The following CASQ2 variants were observed in gnomAD, a reference collection of about 807,000 sequenced individuals.
The protein encoded by CASQ2 is calsequestrin 2.
CASQ2 carries 49 observed loss-of-function variants against 46.5 expected under a neutral mutation model. The observed-to-expected ratio is 1.05, with a 90% CI of 0.84 to 1.34. CASQ2 has a LOEUF of 1.34. Among genes scored for constraint, CASQ2 ranks in the 40% most tolerant of loss-of-function variants. CASQ2 has a pLI of 0.00. For synonymous variants in CASQ2, 174 were observed against 168.5 expected (o/e 1.03, Z -0.25); for missense variants, 486 against 481.3 (o/e 1.01, Z -0.09).
Position 115,701,348 on chromosome 1 carries a change from C to T in CASQ2, c.1093G>A (p.Val365Met), listed in dbSNP as rs756155045. 1.2e-6 allele frequency: 2 copies of T among 1,613,488 alleles called. No individual in the cohort carries two copies. The highest frequency in any genetic ancestry group is 1.7e-5 in the Admixed American group (1 of 60,016). ...TCAGTGTTTATCTTTCCAGAAAGCA[C>T]ATCCTCAATCCAGTCCTCCAGCTCC... ...AEELEDWIEDVLSGKINTEDD... is the reference protein window; with the variant it reads ...AEELEDWIEDMLSGKINTEDD... Residue 365 changes from valine (V) to methionine (M), a missense_variant, in exon 11 of 11, where the codon GTG (valine) becomes ATG (methionine). Physicochemically the swap from Val to Met is conservative, Grantham distance 21. Transcript: ENST00000261448.
chr1:115,761,426 GAAGAAGAAGAAGA>G (rs1557806484), intron 1 of CASQ2, among the ~76,000 whole-genome samples: 8 of 2,002 alleles, frequency 4.0e-3, no homozygotes, highest in African/African-American at 0.012. Context: ...AGAAGAAGAA[GAAGAAGAAGAAGA>G]AAGAAGAAGA....
chr1:115,711,412 T>C (rs2101062282), intron 8 of CASQ2, among the ~76,000 whole-genome samples: 1 of 152,252 alleles, frequency 6.6e-6, no homozygotes, highest in Non-Finnish European at 1.5e-5. Flanking sequence ...CATCTCCTCC[T>C]CTGAAAGTGG....
intron 1 of CASQ2, among the ~76,000 whole-genome samples, chr1:115,748,681 T>C (rs1030678263): frequency 2.0e-5 from 3 of 152,212 alleles, no homozygotes; most frequent in Non-Finnish European, 2.9e-5. Flanking sequence ...TTCACTCTAT[T>C]GCATTTAATC....
At chr1:115,709,590 C>T (rs1332428588) in intron 8 of CASQ2, among the ~76,000 whole-genome samples, 1 of 152,170 alleles carries the variant, frequency 6.6e-6, no homozygotes, top group Non-Finnish European at 1.5e-5. Flanking sequence ...AGAAAAGCAT[C>T]AGTTCTCAAA....
intron 4 of CASQ2, among the ~76,000 whole-genome samples, chr1:115,733,285 C>A (rs1458345064): frequency 6.6e-6 from 1 of 152,042 alleles, no homozygotes; most frequent in Admixed American, 6.6e-5. Flanking sequence ...AAACTCCAAA[C>A]CAAAATAAAA....
At chr1:115,735,145 T>C (rs1234530944) in intron 4 of CASQ2, among the ~76,000 whole-genome samples, 2 of 152,216 alleles carry the variant, frequency 1.3e-5, no homozygotes, top group African/African-American at 4.8e-5. Context: ...ATAATATTTA[T>C]TCAGAGAAAA....
At chr1:115,722,322 T>A (rs796153909) in intron 7 of CASQ2, among the ~76,000 whole-genome samples, 3 of 152,360 alleles carry the variant, frequency 2.0e-5, no homozygotes, top group African/African-American at 7.2e-5. Context: ...TTATTTTATA[T>A]TATAGCAAAA....
chr1:115,715,208 C>A (rs1359568904), intron 8 of CASQ2, among the ~76,000 whole-genome samples: 2 of 152,178 alleles, frequency 1.3e-5, no homozygotes, highest in Non-Finnish European at 2.9e-5. Context: ...GCTATTTGCT[C>A]CTCCAGGGAA....
chr1:115,717,118 T>C (rs1654726331), intron 8 of CASQ2, among the ~76,000 whole-genome samples: 1 of 152,212 alleles, frequency 6.6e-6, no homozygotes, highest in African/African-American at 2.4e-5. Context: ...CCTTCTGCCA[T>C]GAGTAAAAGC....
intron 1 of CASQ2, among the ~76,000 whole-genome samples, chr1:115,755,129 C>T (rs1648715101): frequency 6.6e-6 from 1 of 152,220 alleles, no homozygotes; most frequent in Non-Finnish European, 1.5e-5. Context: ...TTGCCATGTC[C>T]AAACTGACAG....
chr1:115,727,279 C>A (rs72554063), intron 5 of CASQ2, among the ~76,000 whole-genome samples, 157 bp from the exon 6 acceptor site: 163 of 152,234 alleles, frequency 1.1e-3, no homozygotes, highest in Non-Finnish European at 1.7e-3. Flanking sequence ...ACTTATCACC[C>A]AAGGCCTGGC....
intron 8 of CASQ2, among the ~76,000 whole-genome samples, chr1:115,716,183 T>C (rs975354874): frequency 6.6e-5 from 10 of 152,364 alleles, no homozygotes; most frequent in Middle Eastern, 3.4e-3. Flanking sequence ...CCACTTTCTC[T>C]TGGGGACTCT....
At chr1:115,711,815 C>T (rs192510408) in intron 8 of CASQ2, among the ~76,000 whole-genome samples, 7 of 152,070 alleles carry the variant, frequency 4.6e-5, no homozygotes, top group Non-Finnish European at 1.0e-4. Context: ...CTACCATGCC[C>T]AGCTAATTTT....
chr1:115,736,016 A>C (rs1426906999), intron 4 of CASQ2, among the ~76,000 whole-genome samples: 1 of 151,820 alleles, frequency 6.6e-6, no homozygotes, highest in African/African-American at 2.4e-5. Context: ...ACAAAAAATT[A>C]GCCAGGCATG....
intron 1 of CASQ2, among the ~76,000 whole-genome samples, chr1:115,750,317 TG>T (rs1648533926): frequency 6.6e-6 from 1 of 152,228 alleles, no homozygotes; most frequent in African/African-American, 2.4e-5. Context: ...TGGTTTTGTT[TG>T]TTTGGTCAGT....
At chr1:115,735,109 C>T (rs1344387703) in intron 4 of CASQ2, among the ~76,000 whole-genome samples, 5 of 152,198 alleles carry the variant, frequency 3.3e-5, no homozygotes, top group African/African-American at 1.2e-4. Context: ...TTACATCAAG[C>T]TCTTTCTGAA....
chr1:115,724,946 T>C (rs575600231), intron 7 of CASQ2, among the ~76,000 whole-genome samples: 3 of 152,308 alleles, frequency 2.0e-5, no homozygotes, highest in African/African-American at 7.2e-5. Context: ...ACAGAAGCTA[T>C]AGTCACTGCA....
chr1:115,725,692 C>A, intron 6 of CASQ2, 139 bp from the exon 7 acceptor site: 1 of 1,078,568 alleles, frequency 9.3e-7, no homozygotes, highest in East Asian at 2.5e-5. Flanking sequence ...CCTAAAAACC[C>A]ACTTATCTTC....
At chr1:115,765,274 G>T (rs996791175) in intron 1 of CASQ2, among the ~76,000 whole-genome samples, 1 of 152,218 alleles carries the variant, frequency 6.6e-6, no homozygotes, top group Non-Finnish European at 1.5e-5. Context: ...GGTGGCAGAT[G>T]CATGACTAAT....
Sources: gnomAD v4.1 joint callset for allele counts (sites outside exome capture counted in the v4.1 genomes callset) on GRCh38, gnomAD v4.1.1 for gene constraint, MANE v1.5 for transcripts, NCBI Gene and HGNC (gene_info 2026-07-23, HGNC 2026-07-21) for gene names.